KCNAB2: variants seen among roughly 807,000 people sequenced by gnomAD.
KCNAB2 encodes potassium voltage-gated channel subfamily A regulatory beta subunit 2.
Under a neutral mutation model 63.6 loss-of-function variants are expected in KCNAB2, and 29 were observed. The observed-to-expected ratio is 0.46, with a 90% confidence interval of 0.34 to 0.62. KCNAB2 has a LOEUF of 0.62. KCNAB2 is among the 20% of genes least tolerant of loss of function. The pLI is 0.01. For missense variants in KCNAB2, 359 were observed against 563.9 expected (o/e 0.64, Z 3.68); for synonymous variants, 222 against 224.2 (o/e 0.99, Z 0.09).
At chr1:6,077,828 G>A (rs139077015) in intron 4 of KCNAB2, among the ~76,000 whole-genome samples, 4 of 152,358 alleles carry the variant, frequency 2.6e-5, no homozygotes, top group East Asian at 1.9e-4. Flanking sequence ...TCTAGAGAGG[G>A]CGACAGGGTA....
At position 6,099,807 on chromosome 1, in the gene KCNAB2, A is replaced by C; in HGVS notation, c.*1233A>C. 1 of 1,519,138 alleles carries C rather than the reference A, an allele frequency of 6.6e-7. No homozygotes were observed. Among genetic ancestry groups the C allele is most frequent in the Non-Finnish European group, 8.8e-7 (1 of 1,131,316 alleles). The allele number at this position is 1,519,138 out of a possible 1,614,324, so 94.1% of individuals were successfully genotyped here. A position where few individuals can be genotyped will look rare whatever the true frequency, so the allele number is the denominator to read the frequency against. ...TGGTTAGCCCCTCCCACTGCCTGACACCTGGGACAGGCTGGGCAGAGGGGA... is the reference window on the plus strand; with the variant it reads ...TGGTTAGCCCCTCCCACTGCCTGACCCCTGGGACAGGCTGGGCAGAGGGGA... On this transcript the variant is annotated 3_prime_UTR_variant, in exon 16 of 16. Transcript: ENST00000378083.
intron 2 of KCNAB2, among the ~76,000 whole-genome samples, chr1:6,056,968 G>C (rs1007239943): frequency 2.0e-5 from 3 of 151,882 alleles, no homozygotes; most frequent in African/African-American, 7.3e-5. Flanking sequence ...CTTGCTCTTT[G>C]CCCATCTGCA....
chr1:6,082,316 T>C (rs1273610588), intron 5 of KCNAB2, 42 bp downstream of exon 5: 1 of 1,494,230 alleles, frequency 6.7e-7, no homozygotes, highest in South Asian at 1.1e-5. Flanking sequence ...TCAGAATGCC[T>C]GGGCAGAGCC....
intron 1 of KCNAB2, among the ~76,000 whole-genome samples, chr1:6,017,579 A>G (rs1197077174): frequency 6.6e-6 from 1 of 152,110 alleles, no homozygotes; most frequent in East Asian, 1.9e-4. Context: ...AGATCACTTG[A>G]GGTCAGGAGT....
intron 5 of KCNAB2, among the ~76,000 whole-genome samples, chr1:6,084,997 G>A (rs934763432): frequency 6.6e-6 from 1 of 152,206 alleles, no homozygotes; most frequent in Non-Finnish European, 1.5e-5. Context: ...AGCCATCCTA[G>A]TGGGGGGCAA....
At chr1:6,055,748 A>G (rs116473594) in intron 2 of KCNAB2, among the ~76,000 whole-genome samples, 66 of 152,056 alleles carry the variant, frequency 4.3e-4, no homozygotes, top group African/African-American at 1.3e-3. Flanking sequence ...GCCTCACTCT[A>G]TCTGGTGAAT....
chr1:5,996,851 G>C (rs1182314487), intron 1 of KCNAB2, among the ~76,000 whole-genome samples: 1 of 152,150 alleles, frequency 6.6e-6, no homozygotes, highest in African/African-American at 2.4e-5. Flanking sequence ...TTTCTTCTCA[G>C]ACCCCGCACC....
chr1:6,099,739 G>A lies in KCNAB2; in HGVS notation c.*1165G>A, dbSNP rs2100810901. ...CCCCCACAGCACCCCCACAATGTAG[G>A]AAAAGACCTCAGGGAACCTCTCCCT... On this transcript the variant is annotated 3_prime_UTR_variant, in exon 16 of 16. Transcript: ENST00000378083. 2 of 1,451,766 alleles carry A rather than the reference G, an allele frequency of 1.4e-6. No individual in the cohort carries two copies. The highest frequency in any genetic ancestry group is 1.5e-5 in the South Asian group (1 of 68,156). 89.9% of individuals were successfully genotyped at this position (1,451,766 alleles called of 1,614,324 possible). A position where few individuals can be genotyped will look rare whatever the true frequency, so the allele number is the denominator to read the frequency against.
chr1:6,084,071 C>T (rs373620345), intron 5 of KCNAB2, among the ~76,000 whole-genome samples: 35 of 152,280 alleles, frequency 2.3e-4, no homozygotes, highest in South Asian at 2.1e-3. Flanking sequence ...GCATTCAGAG[C>T]GCATGCTAAA....
intron 15 of KCNAB2, chr1:6,098,174 G>A (rs978228101): frequency 7.3e-6 from 8 of 1,103,110 alleles, no homozygotes; most frequent in Middle Eastern, 4.0e-4. Flanking sequence ...AAGCAGTCAC[G>A]GACATGGAAG....
chr1:6,073,962 AG>A lies in KCNAB2; in HGVS notation c.300+196del, dbSNP rs1663448230. ...AGGTGAGCCAGGTGGCCATGGCCAG[AG>A]GGGATGCCGAGTCTGGTGCCATCAC... On this transcript the variant is annotated intron_variant, in intron 4 of 15. Transcript: ENST00000378083. This position sits in a 1 kb window ranked among gnomAD's most constrained non-coding sequence, Gnocchi z 5.7. 3.3e-6 allele frequency: 2 copies of A among 608,156 alleles called. No individual in the cohort carries two copies. Among genetic ancestry groups the A allele is most frequent in the Non-Finnish European group, 5.9e-6 (2 of 340,158 alleles). 37.7% of individuals were successfully genotyped at this position (608,156 alleles called of 1,614,324 possible). A position where few individuals can be genotyped will look rare whatever the true frequency, so the allele number is the denominator to read the frequency against.
chr1:6,083,618 G>A lies in KCNAB2; in HGVS notation c.380+1344G>A, dbSNP rs1177170963. Among the ~76,000 whole-genome samples the A allele has an allele frequency of 2.6e-5, 4 of 152,226 alleles. No individual in the cohort carries two copies. In the East Asian group the frequency reaches 7.7e-4, roughly 29 times the overall value. ...CTCTGCTCCTGGGCCGGCCACTGCGGTCCCTCTGTCCAGCTCAGAGCTGAG... is the reference window on the plus strand; with the variant it reads ...CTCTGCTCCTGGGCCGGCCACTGCGATCCCTCTGTCCAGCTCAGAGCTGAG... On this transcript the variant is annotated intron_variant, in intron 5 of 15. Coordinates refer to ENST00000378083, the MANE Select transcript of KCNAB2 (RefSeq NM_001199862.2).
At chr1:6,033,054 G>A (rs1035887189), upstream of KCNAB2, among the ~76,000 whole-genome samples, 1 of 152,220 alleles carries the variant, frequency 6.6e-6, no homozygotes, top group Non-Finnish European at 1.5e-5. Flanking sequence ...AGGATCAGGC[G>A]ATATTGAACT....
upstream of KCNAB2, among the ~76,000 whole-genome samples, chr1:6,033,102 C>T (rs1259829045): frequency 1.3e-5 from 2 of 152,194 alleles, no homozygotes; most frequent in African/African-American, 4.8e-5. Flanking sequence ...GTGGTTAAGA[C>T]AAAATTCTCA....
rs750379162 is a variant in KCNAB2 at position 6,051,628 on chromosome 1, C to A, written c.92C>A (p.Thr31Lys). The change falls in exon 2 of 16, where the codon ACG becomes AAG. Residue 31 changes from threonine to lysine, a missense_variant. By Grantham distance (78) the Thr-to-Lys change is moderately conservative. Transcript: ENST00000378083. The part of the protein sequence containing the change: ...WALHPVRQTD[T>K]LELQRLREVR... Reference sequence around the variant, plus strand: ...CTGCACCCCGTCCGCCAGACGGACACGCTGGAACTGCAGCGGCTGCGGGAG... The same window carrying A: ...CTGCACCCCGTCCGCCAGACGGACAAGCTGGAACTGCAGCGGCTGCGGGAG... 6.5e-7 allele frequency: 1 copy of A among 1,534,636 alleles called. No individual in the cohort carries two copies. The highest frequency in any genetic ancestry group is 2.0e-5 in the Admixed American group (1 of 50,986).
At chr1:6,027,240 G>A (rs1301477760) in intron 1 of KCNAB2, 6 of 101,170 alleles carry the variant, frequency 5.9e-5, no homozygotes, top group African/African-American at 2.1e-4. Flanking sequence ...GTGTGTGTGT[G>A]TGTGTGTGTG....
At chr1:5,996,937 G>T (rs1330972472) in intron 1 of KCNAB2, among the ~76,000 whole-genome samples, 2 of 152,210 alleles carry the variant, frequency 1.3e-5, no homozygotes, top group Admixed American at 6.5e-5. Context: ...GGTCTGGTCC[G>T]CAGGGGTCCT....
At chr1:6,027,123 G>C (rs926155012) in intron 1 of KCNAB2, among the ~76,000 whole-genome samples, 2 of 152,160 alleles carry the variant, frequency 1.3e-5, no homozygotes, top group African/African-American at 2.4e-5. Context: ...GGCTTCCTGC[G>C]TCCCCTCTCA....
At chr1:6,005,383 T>TG (rs1553210539) in intron 1 of KCNAB2, among the ~76,000 whole-genome samples, 1 of 30,426 alleles carries the variant, frequency 3.3e-5, no homozygotes, top group African/African-American at 1.8e-4. Context: ...GAGGGTGAAC[T>TG]GGGGGATGTG....
Sources: gnomAD v4.1 joint callset for allele counts (sites outside exome capture counted in the v4.1 genomes callset) on GRCh38, gnomAD v4.1.1 for gene constraint, Gnocchi (gnomAD v3.1) non-coding constraint, MANE v1.5 for transcripts, NCBI Gene and HGNC (gene_info 2026-07-23, HGNC 2026-07-21) for gene names.